Variants in ADGRG6 observed in about 807,000 individuals in gnomAD.
ADGRG6 encodes adhesion G protein-coupled receptor G6, also known as G-protein coupled receptor 126.
In ADGRG6, 84 loss-of-function variants were observed where a neutral mutation model predicts 142.4. That is an observed-to-expected ratio of 0.59 (90% CI 0.49 to 0.71). ADGRG6 has a LOEUF of 0.71. Ranked by LOEUF, ADGRG6 falls within the 30% of genes least tolerant of loss-of-function variation. The probability of loss-of-function intolerance (pLI) is 0.00; values close to 1 mark genes in which losing one functional copy is unlikely to be tolerated. For missense variants in ADGRG6, 1,367 were observed against 1,466.6 expected, an observed-to-expected ratio of 0.93 and a Z score of 1.11; for synonymous variants, 521 against 520.5, an observed-to-expected ratio of 1.00 and a Z score of -0.01.
At chr6:142,330,436 C>T (rs148125453) in intron 2 of ADGRG6, among the ~76,000 whole-genome samples, 2,205 of 152,172 alleles carry the variant, frequency 0.014, 56 homozygotes, top group African/African-American at 0.049. Flanking sequence ...TCATGCAAGC[C>T]GGAAAGATGT....
At chr6:142,375,391 A>T (rs1163437471) in intron 4 of ADGRG6, among the ~76,000 whole-genome samples, 2 of 152,204 alleles carry the variant, frequency 1.3e-5, no homozygotes, top group African/African-American at 4.8e-5. Context: ...CATTCCAGAC[A>T]TTCAGATGTC....
chr6:142,380,578 C>T (rs1441511382), intron 4 of ADGRG6, among the ~76,000 whole-genome samples: 1 of 152,202 alleles, frequency 6.6e-6, no homozygotes, highest in Non-Finnish European at 1.5e-5. Flanking sequence ...CTTGAGTGCA[C>T]AGACCGTCTC....
chr6:142,430,780 G>C (rs1777173762), intron 22 of ADGRG6, among the ~76,000 whole-genome samples: 1 of 152,194 alleles, frequency 6.6e-6, no homozygotes, highest in Non-Finnish European at 1.5e-5. Flanking sequence ...GATATCAAAA[G>C]TTAAATTCAC....
At chr6:142,391,555 A>G (rs1374338560) in intron 7 of ADGRG6, among the ~76,000 whole-genome samples, 2 of 151,746 alleles carry the variant, frequency 1.3e-5, no homozygotes, top group Non-Finnish European at 3.0e-5. Context: ...TTTAAAAAAA[A>G]GTTGACCATA....
rs762572365 is a variant in ADGRG6 at position 142,403,954 on chromosome 6, A to T, written c.2108A>T (p.Asn703Ile). The T allele has an allele frequency of 1.9e-6, 3 of 1,609,192 alleles. No homozygotes were observed. Residue 703 changes from asparagine (N) to isoleucine (I), a missense_variant, in exon 14 of 25, where the codon AAT (asparagine) becomes ATT (isoleucine). Coordinates refer to ENST00000367609, the MANE Select transcript of ADGRG6 (RefSeq NM_198569.3). ...ISNFSIGLPS[N>I]NESYFQMDFE... ...AATTTTAGCATTGGTCTTCCAAGCAATAATGAATCGTATTTCCAGGTAATG... is the reference window on the plus strand; with the variant it reads ...AATTTTAGCATTGGTCTTCCAAGCATTAATGAATCGTATTTCCAGGTAATG...
At chr6:142,410,282 G>A (rs1776014862) in intron 17 of ADGRG6, among the ~76,000 whole-genome samples, 1 of 152,076 alleles carries the variant, frequency 6.6e-6, no homozygotes, top group Admixed American at 6.6e-5. Flanking sequence ...GGGATTATTT[G>A]ATATGTGTAA....
At chr6:142,324,409 A>G (rs1420950953) in intron 2 of ADGRG6, among the ~76,000 whole-genome samples, 1 of 152,080 alleles carries the variant, frequency 6.6e-6, no homozygotes, top group Admixed American at 6.6e-5. Context: ...ACATAATCTA[A>G]GAAATAAACA....
chr6:142,304,084 C>T lies in ADGRG6; in HGVS notation c.2+1753C>T, dbSNP rs141083307. On this transcript the variant is annotated intron_variant, in intron 1 of 24. Coordinates refer to ENST00000367609, the MANE Select transcript of ADGRG6 (RefSeq NM_198569.3). Reference sequence around the variant, plus strand: ...ATTCATATGGAGTGGTTTAGGATGGCCTGATTCTTTTTAGGTATTGGTTTG... The same window carrying T: ...ATTCATATGGAGTGGTTTAGGATGGTCTGATTCTTTTTAGGTATTGGTTTG... Among the ~76,000 whole-genome samples the T allele has an allele frequency of 9.7e-3, 1,478 of 152,062 alleles. 26 individuals are homozygous for T. Among genetic ancestry groups the T allele is most frequent in the African/African-American group, 0.034 (1,412 of 41,462 alleles).
intron 22 of ADGRG6, among the ~76,000 whole-genome samples, chr6:142,431,519 A>G (rs1321477698): frequency 1.3e-5 from 2 of 152,188 alleles, no homozygotes. Context: ...TTCAAGTACT[A>G]TGAAGAATAA....
In ADGRG6 at chr6:142,402,809, A is replaced by T; in HGVS notation, c.1934A>T (p.Asp645Val). The T allele has an allele frequency of 6.3e-7, 1 of 1,583,694 alleles. No homozygotes were observed. The highest frequency in any genetic ancestry group is 8.6e-7 in the Non-Finnish European group (1 of 1,161,830). ...AATATCTTAAGCAGTTCAGACAGTG[A>T]CTTGCTTGAGTCATCTTCTGAGTAA... ...FSNILSSSDSDLLESSSEALK... is the reference protein window; with the variant it reads ...FSNILSSSDSVLLESSSEALK... Residue 645 changes from aspartate to valine, a missense_variant, in exon 13 of 25, where the codon GAC becomes GTC. Transcript: ENST00000367609.
intron 2 of ADGRG6, among the ~76,000 whole-genome samples, chr6:142,332,174 T>C (rs1412405171): frequency 6.6e-6 from 1 of 152,174 alleles, no homozygotes; most frequent in Non-Finnish European, 1.5e-5. Flanking sequence ...TTTCGATCAC[T>C]GTAAAATAAC....
chr6:142,397,952 G>A (rs73580452), intron 10 of ADGRG6, among the ~76,000 whole-genome samples, 197 bp downstream of exon 10: 207 of 152,230 alleles, frequency 1.4e-3, no homozygotes, highest in African/African-American at 3.9e-3. Flanking sequence ...GGGAATGAAG[G>A]AGGTAGATGA....
intron 2 of ADGRG6, among the ~76,000 whole-genome samples, chr6:142,311,980 A>C (rs754992595): frequency 6.6e-6 from 1 of 151,820 alleles, no homozygotes; most frequent in African/African-American, 2.4e-5. Context: ...ATGCCTTCCT[A>C]GTCTCCTCTT....
chr6:142,422,591 T>A (rs1404838935), intron 22 of ADGRG6, among the ~76,000 whole-genome samples: 1 of 151,734 alleles, frequency 6.6e-6, no homozygotes, highest in Non-Finnish European at 1.5e-5. Flanking sequence ...TGGTTCCAAG[T>A]CTTTGCTATT....
chr6:142,434,238 A>G (rs1363757890), intron 22 of ADGRG6, among the ~76,000 whole-genome samples: 2 of 151,076 alleles, frequency 1.3e-5, no homozygotes, highest in Non-Finnish European at 2.9e-5. Context: ...ATAACATAAT[A>G]GTAATAATAA....
chr6:142,337,966 G>A (rs1178298228), intron 2 of ADGRG6, among the ~76,000 whole-genome samples: 1 of 145,346 alleles, frequency 6.9e-6, no homozygotes, highest in Non-Finnish European at 1.5e-5. Flanking sequence ...TACTTTTGTT[G>A]AAAATAAACA....
intron 2 of ADGRG6, among the ~76,000 whole-genome samples, chr6:142,357,834 A>G (rs1352562679): frequency 1.3e-5 from 2 of 152,220 alleles, no homozygotes; most frequent in Admixed American, 1.3e-4. Flanking sequence ...CATCTAAAAG[A>G]AAACTGGACA....
At chr6:142,348,373 A>G (rs1780005232) in intron 2 of ADGRG6, among the ~76,000 whole-genome samples, 1 of 152,174 alleles carries the variant, frequency 6.6e-6, no homozygotes, top group Admixed American at 6.6e-5. Context: ...ATTTAGATAT[A>G]AGCATGAGAT....
At chr6:142,307,089 C>T (rs891710252) in intron 1 of ADGRG6, among the ~76,000 whole-genome samples, 1 of 152,028 alleles carries the variant, frequency 6.6e-6, no homozygotes, top group African/African-American at 2.4e-5. Flanking sequence ...CCTTTTATAG[C>T]AAAGAAGTTG....
Sources: allele counts gnomAD v4.1 joint callset (sites outside exome capture counted in the v4.1 genomes callset), GRCh38; gene constraint gnomAD v4.1.1; transcripts MANE v1.5; gene names NCBI Gene and HGNC (gene_info 2026-07-23, HGNC 2026-07-21).